The following LHFPL3 variants were observed in gnomAD, a reference collection of about 807,000 sequenced individuals.
LHFPL3 encodes the protein LHFPL tetraspan subfamily member 3.
In LHFPL3, 5 loss-of-function variants were observed where a neutral mutation model predicts 19.3. That is an observed-to-expected ratio of 0.26 (90% CI 0.14 to 0.54). The LOEUF (loss-of-function observed/expected upper bound fraction) is 0.54. Among genes scored for constraint, LHFPL3 ranks in the 20% least tolerant of loss-of-function variants. LHFPL3 has a pLI of 0.94. For synonymous variants in LHFPL3, 133 were observed against 126.2 expected (o/e 1.05, Z -0.36); for missense variants, 249 against 307.4 (o/e 0.81, Z 1.42).
intron 2 of LHFPL3, among the ~76,000 whole-genome samples, chr7:104,852,510 T>C (rs554321032): frequency 2.2e-4 from 33 of 152,322 alleles, no homozygotes; most frequent in Non-Finnish European, 1.3e-4. Flanking sequence ...AGAATCCTGT[T>C]TGGGAGTTGG....
chr7:104,567,128 T>C (rs1312304508), intron 1 of LHFPL3, among the ~76,000 whole-genome samples: 3 of 152,262 alleles, frequency 2.0e-5, no homozygotes, highest in Non-Finnish European at 4.4e-5. Context: ...GATGGTACTG[T>C]CTTTCACTTA....
chr7:104,714,134 G>A (rs1793344210), intron 1 of LHFPL3, among the ~76,000 whole-genome samples: 1 of 152,172 alleles, frequency 6.6e-6, no homozygotes, highest in Admixed American at 6.5e-5. Flanking sequence ...TGAAAGATGT[G>A]TAAAAAATGT....
rs373418425 is a variant in LHFPL3, at chr7:104,815,415, G to A, written c.682+78504G>A. ...CAATGTCCTATTTCTTGAGCTGGCTGGCGGTTACACAGTGCTCACTTTATA... is the reference window on the plus strand; with the variant it reads ...CAATGTCCTATTTCTTGAGCTGGCTAGCGGTTACACAGTGCTCACTTTATA... On this transcript the variant is annotated intron_variant, in intron 2 of 2. Transcript: ENST00000424859. 2.5e-4 allele frequency among the ~76,000 whole-genome samples: 38 copies of A among 152,310 alleles called. 1 individual carries two copies. The highest frequency in any genetic ancestry group is 8.7e-4 in the African/African-American group (36 of 41,580).
chr7:104,470,845 T>G (rs761711170), intron 1 of LHFPL3, among the ~76,000 whole-genome samples: 19 of 152,168 alleles, frequency 1.2e-4, no homozygotes, highest in Non-Finnish European at 2.6e-4. Flanking sequence ...TCCCTTTCAT[T>G]CCAGCTCTCA....
chr7:104,731,451 T>C lies in LHFPL3; in HGVS notation c.446-5224T>C, dbSNP rs376355896. Among the ~76,000 whole-genome samples, 34 of 152,328 alleles carry C rather than the reference T, an allele frequency of 2.2e-4. No homozygotes were observed. The East Asian group carries it at 5.8e-3, about 26-fold the overall frequency. Reference sequence around the variant, plus strand: ...AGAGGTCCTTCACATCCCTTGTAAGTTGGATTCCTAGGTATTTTATTCTCT... The same window carrying C: ...AGAGGTCCTTCACATCCCTTGTAAGCTGGATTCCTAGGTATTTTATTCTCT... On this transcript the variant is annotated intron_variant, in intron 1 of 2. Coordinates refer to ENST00000424859, the MANE Select transcript of LHFPL3 (RefSeq NM_199000.3).
chr7:104,386,739 A>G (rs1790952146), intron 1 of LHFPL3, among the ~76,000 whole-genome samples: 1 of 152,210 alleles, frequency 6.6e-6, no homozygotes, highest in Admixed American at 6.5e-5. Flanking sequence ...AGTTTAGAAA[A>G]TTTTTGTTCA....
intron 1 of LHFPL3, among the ~76,000 whole-genome samples, chr7:104,338,093 C>T (rs376851188): frequency 5.2e-4 from 45 of 85,832 alleles, no homozygotes; most frequent in Admixed American, 7.0e-4. Flanking sequence ...TTTCCTTTTT[C>T]TTTTTTTTTT....
chr7:104,624,569 C>T (rs370590196), intron 1 of LHFPL3, among the ~76,000 whole-genome samples: 9 of 152,156 alleles, frequency 5.9e-5, no homozygotes, highest in African/African-American at 2.2e-4. Flanking sequence ...TCCTCATCAC[C>T]GTACCTTCAG....
At chr7:104,332,423 G>T (rs1425333312) in intron 1 of LHFPL3, among the ~76,000 whole-genome samples, 2 of 151,260 alleles carry the variant, frequency 1.3e-5, no homozygotes, top group African/African-American at 2.4e-5. Flanking sequence ...TAGAGACAAG[G>T]TTTCACCATG....
At chr7:104,773,937 C>CG (rs1280213971) in intron 2 of LHFPL3, among the ~76,000 whole-genome samples, 1 of 152,224 alleles carries the variant, frequency 6.6e-6, no homozygotes, top group African/African-American at 2.4e-5. Context: ...TTAAGCCACC[C>CG]GGGTTGTGGT....
chr7:104,481,674 T>C (rs1793139246), intron 1 of LHFPL3, among the ~76,000 whole-genome samples: 1 of 152,112 alleles, frequency 6.6e-6, no homozygotes, highest in African/African-American at 2.4e-5. Flanking sequence ...AATATTTGGT[T>C]GATGAATAAA....
intron 1 of LHFPL3, among the ~76,000 whole-genome samples, chr7:104,722,865 T>C (rs531498583): frequency 5.3e-5 from 8 of 152,132 alleles, no homozygotes; most frequent in Admixed American, 1.3e-4. Context: ...AATTTATCAG[T>C]TTTTTTGTGC....
At chr7:104,617,846 A>C (rs1791376730) in intron 1 of LHFPL3, among the ~76,000 whole-genome samples, 1 of 152,198 alleles carries the variant, frequency 6.6e-6, no homozygotes, top group African/African-American at 2.4e-5. Context: ...GAAAATCTGC[A>C]ATCTATATAC....
chr7:104,430,435 T>TATACACGTATATATATATATATATACAC (rs1562895298), intron 1 of LHFPL3, among the ~76,000 whole-genome samples: 1 of 14,250 alleles, frequency 7.0e-5, no homozygotes, highest in African/African-American at 3.3e-4. Flanking sequence ...TATATATATA[T>TATACACGTATATATATATATATATACAC]ATATATATAT....
chr7:104,882,250 C>T lies in LHFPL3; in HGVS notation c.683-23937C>T, dbSNP rs141387957. Among the ~76,000 whole-genome samples, 73 of 152,038 alleles carry T rather than the reference C, an allele frequency of 4.8e-4. No individual in the cohort carries two copies. The East Asian group carries it at 0.012, about 25-fold the overall frequency. On this transcript the variant is annotated intron_variant, in intron 2 of 2. Transcript: ENST00000424859. ...TACATTTCATTTATTTATTTATTTA[C>T]TTATTTATTTATTTAGAGATGGAGT...
At chr7:104,345,610 C>T (rs1055607090) in intron 1 of LHFPL3, among the ~76,000 whole-genome samples, 1 of 152,074 alleles carries the variant, frequency 6.6e-6, no homozygotes, top group African/African-American at 2.4e-5. Context: ...GCTCAAGTTA[C>T]TTGTTAAAAT....
chr7:104,868,175 G>A (rs1277302303), intron 2 of LHFPL3, among the ~76,000 whole-genome samples: 1 of 152,076 alleles, frequency 6.6e-6, no homozygotes, highest in African/African-American at 2.4e-5. Flanking sequence ...GCACAAGACA[G>A]GGATGCCCTC....
At chr7:104,605,521 T>C (rs1309386962) in intron 1 of LHFPL3, among the ~76,000 whole-genome samples, 3 of 152,182 alleles carry the variant, frequency 2.0e-5, no homozygotes, top group Non-Finnish European at 4.4e-5. Context: ...GAATAATTAA[T>C]GAAAAACATT....
chr7:104,736,175 G>A (rs1793813006), intron 1 of LHFPL3, among the ~76,000 whole-genome samples: 1 of 152,196 alleles, frequency 6.6e-6, no homozygotes, highest in Admixed American at 6.5e-5. Context: ...GGCAGGGGAA[G>A]AGGGGTGATC....
Sources: allele counts gnomAD v4.1 joint callset (sites outside exome capture counted in the v4.1 genomes callset), GRCh38; gene constraint gnomAD v4.1.1; transcripts MANE v1.5; gene names NCBI Gene and HGNC (gene_info 2026-07-23, HGNC 2026-07-21).